The following IGSF10 variants were observed in gnomAD, a reference collection of about 807,000 sequenced individuals.
The protein encoded by IGSF10 is calvaria mechanical force protein 608.
In IGSF10, 126 loss-of-function variants were observed where a neutral mutation model predicts 128.2. The ratio of observed to expected loss-of-function variants is 0.98; its 90% CI spans 0.85 to 1.14. The LOEUF (loss-of-function observed/expected upper bound fraction) is 1.14, where lower values mean the gene tolerates loss of function less well. Among genes scored for constraint, IGSF10 ranks in the 50% most tolerant of loss-of-function variants. The pLI is 0.00. For synonymous variants in IGSF10, 1,185 were observed against 1,146.2 expected (o/e 1.03, Z -0.68); for missense variants, 3,295 against 3,149.8 (o/e 1.05, Z -1.10).
At chr3:151,569,657 C>T in the IGSF10 span, among the ~76,000 whole-genome samples, 1 of 152,106 alleles carries the variant, frequency 6.6e-6, no homozygotes, top group Non-Finnish European at 1.5e-5. Flanking sequence ...AATACAGACT[C>T]CATCTCTAGA....
chr3:151,546,040 C>CAA, the IGSF10 span, among the ~76,000 whole-genome samples: 19 of 109,516 alleles, frequency 1.7e-4, 2 homozygotes, highest in African/African-American at 7.0e-4. Flanking sequence ...CATATGTGGC[C>CAA]ACAAAAAAAA....
chr3:151,605,122 C>G, the IGSF10 span, among the ~76,000 whole-genome samples: 1 of 152,186 alleles, frequency 6.6e-6, no homozygotes, highest in Admixed American at 6.5e-5. Flanking sequence ...AAATCACCAA[C>G]AGAGAGTTTA....
the IGSF10 span, among the ~76,000 whole-genome samples, chr3:151,471,889 G>A: frequency 2.2e-4 from 33 of 152,232 alleles, no homozygotes; most frequent in African/African-American, 6.5e-4. Context: ...GCTTCCTTAC[G>A]ACGACTTATT....
At chr3:151,472,689 T>C in the IGSF10 span, among the ~76,000 whole-genome samples, 1 of 152,126 alleles carries the variant, frequency 6.6e-6, no homozygotes, top group African/African-American at 2.4e-5. Flanking sequence ...CCTGCTCTCT[T>C]AAATTCTGAT....
chr3:151,554,163 C>G, the IGSF10 span, among the ~76,000 whole-genome samples: 1 of 148,008 alleles, frequency 6.8e-6, no homozygotes, highest in Non-Finnish European at 1.5e-5. Context: ...CACACACACA[C>G]GCAAAGTTGT....
the IGSF10 span, among the ~76,000 whole-genome samples, chr3:151,555,712 C>T: frequency 5.9e-5 from 9 of 152,182 alleles, no homozygotes; most frequent in Admixed American, 4.6e-4. Context: ...CTCATTTCTG[C>T]TTGCCAGCAT....
the IGSF10 span, among the ~76,000 whole-genome samples, chr3:151,548,720 A>G: frequency 6.6e-6 from 1 of 151,974 alleles, no homozygotes; most frequent in Non-Finnish European, 1.5e-5. Context: ...TGGCAGTGAT[A>G]GTTTTTCCTT....
rs6798252 is a variant in IGSF10 at position 151,448,634 on chromosome 3, C to T, written c.1347G>A (p.Gln449=). The T allele has an allele frequency of 0.71, 1,140,805 of 1,613,804 alleles. 404,450 individuals are homozygous for T. The highest frequency in any genetic ancestry group is 0.83 in the Middle Eastern group (5,047 of 6,062). Residue 449 remains glutamine (Q), a synonymous_variant, in exon 6 of 8, where the codon CAG becomes CAA. Transcript: ENST00000282466. ...NRTATTFSTL[Q]IQYSSDAQIT... Reference sequence around the variant, plus strand: ...TTTGAGCATCACTGGAGTACTGGATCTGTAATGTACTGAATGTGGTGGCAG... The same window carrying T: ...TTTGAGCATCACTGGAGTACTGGATTTGTAATGTACTGAATGTGGTGGCAG...
chr3:151,611,069 G>A, the IGSF10 span, among the ~76,000 whole-genome samples: 13 of 152,286 alleles, frequency 8.5e-5, 1 homozygote, highest in Middle Eastern at 3.4e-3. Context: ...CACATAGTAG[G>A]TTGGTTCAAA....
the IGSF10 span, among the ~76,000 whole-genome samples, chr3:151,484,450 T>C: frequency 6.6e-6 from 1 of 152,156 alleles, no homozygotes; most frequent in African/African-American, 2.4e-5. Context: ...TGAGCTCTGA[T>C]AAGAGACAGA....
At chr3:151,463,546 T>TTTTTTTTTTTTTTTTTTTTTTTTTTTTG (rs1722161117), upstream of IGSF10, among the ~76,000 whole-genome samples, 2 of 103,638 alleles carry the variant, frequency 1.9e-5, no homozygotes, top group South Asian at 3.4e-4. Context: ...TTTTTTTTTT[T>TTTTTTTTTTTTTTTTTTTTTTTTTTTTG]TTTTTTTTTT....
At chr3:151,505,342 A>C in the IGSF10 span, among the ~76,000 whole-genome samples, 1 of 152,180 alleles carries the variant, frequency 6.6e-6, no homozygotes, top group Non-Finnish European at 1.5e-5. Context: ...AGATCTCGTG[A>C]GGACTTACTA....
the IGSF10 span, among the ~76,000 whole-genome samples, chr3:151,484,715 A>G: frequency 2.2e-5 from 3 of 136,860 alleles, no homozygotes; most frequent in African/African-American, 8.6e-5. Flanking sequence ...GGGGCCTGTT[A>G]GAAGGAAAAC....
the IGSF10 span, among the ~76,000 whole-genome samples, chr3:151,514,012 G>A: frequency 6.6e-6 from 1 of 152,146 alleles, no homozygotes; most frequent in Admixed American, 6.5e-5. Context: ...CTCATGGATA[G>A]GAAGAATCAA....
In IGSF10 at chr3:151,445,112, C is replaced by A. The variant is rs1195825498; in HGVS notation, c.4869G>T (p.Lys1623Asn). Residue 1623 changes from lysine to asparagine, a missense_variant, in exon 6 of 8, where the codon AAG becomes AAT. Coordinates refer to ENST00000282466, the MANE Select transcript of IGSF10 (RefSeq NM_178822.5). ...AAGTTGTTGCTTCTTGAACTGGTTT[C>A]TTATCAAAGTCACTCTTCTTTGTGT... ...QKNTKKSDFD[K>N]KPVQEATTSK... 5.6e-6 allele frequency: 9 copies of A among 1,614,136 alleles called. No homozygotes were observed. The highest frequency in any genetic ancestry group is 7.6e-6 in the Non-Finnish European group (9 of 1,180,014).
the IGSF10 span, among the ~76,000 whole-genome samples, chr3:151,570,998 T>C: frequency 5.1e-3 from 778 of 152,306 alleles, 7 homozygotes; most frequent in African/African-American, 0.017. Context: ...GGGAATCCTT[T>C]CCCCATTGCT....
chr3:151,445,965 G>A lies in IGSF10; in HGVS notation c.4016C>T (p.Ser1339Phe). The change falls in exon 6 of 8, where the codon TCT (serine) becomes TTT (phenylalanine). Residue 1339 changes from serine (S) to phenylalanine (F), a missense_variant. Ser to Phe is a radical substitution (Grantham distance 155). Coordinates refer to ENST00000282466, the MANE Select transcript of IGSF10 (RefSeq NM_178822.5). ...VITYETQTER[S>F]RAQTIQREQE... Reference sequence around the variant, plus strand: ...TTCTCTTTGTATTGTTTGTGCTCTAGATCTCTCTGTTTGGGTTTCATAAGT... The same window carrying A: ...TTCTCTTTGTATTGTTTGTGCTCTAAATCTCTCTGTTTGGGTTTCATAAGT... 1.2e-6 allele frequency: 2 copies of A among 1,614,176 alleles called. No homozygotes were observed. The highest frequency in any genetic ancestry group is 2.2e-5 in the East Asian group (1 of 44,874).
At chr3:151,487,666 G>C in the IGSF10 span, among the ~76,000 whole-genome samples, 4 of 152,074 alleles carry the variant, frequency 2.6e-5, no homozygotes, top group Non-Finnish European at 5.9e-5. Flanking sequence ...GGGATGCAAG[G>C]GTGGTTCAAC....
At chr3:151,511,053 CAGG>C in the IGSF10 span, among the ~76,000 whole-genome samples, 1 of 152,130 alleles carries the variant, frequency 6.6e-6, no homozygotes, top group African/African-American at 2.4e-5. Flanking sequence ...GGATATTATC[CAGG>C]AGAACTTCCC....
Sources: allele counts gnomAD v4.1 joint callset (sites outside exome capture counted in the v4.1 genomes callset), GRCh38; gene constraint gnomAD v4.1.1; transcripts MANE v1.5; gene names NCBI Gene and HGNC (gene_info 2026-07-23, HGNC 2026-07-21).